The following NKAIN2 variants were observed in gnomAD, a reference collection of about 807,000 sequenced individuals.
NKAIN2 encodes the protein sodium/potassium transporting ATPase interacting 2.
Under a neutral mutation model 32.6 loss-of-function variants are expected in NKAIN2, and 14 were observed. The ratio of observed to expected loss-of-function variants is 0.43; its 90% CI spans 0.28 to 0.67. The LOEUF is 0.67. NKAIN2 is among the 30% of genes least tolerant of loss of function. The pLI is 0.17. For synonymous variants in NKAIN2, 80 were observed against 87.2 expected, an observed-to-expected ratio of 0.92 and a Z score of 0.46; for missense variants, 198 against 258.3, an observed-to-expected ratio of 0.77 and a Z score of 1.60.
intron 4 of NKAIN2, among the ~76,000 whole-genome samples, chr6:124,779,995 GT>G (rs1399695147): frequency 6.6e-6 from 1 of 152,224 alleles, no homozygotes; most frequent in African/African-American, 2.4e-5. Flanking sequence ...TAGAACGCCA[GT>G]TGAAAATAAA....
intron 1 of NKAIN2, among the ~76,000 whole-genome samples, chr6:123,917,154 CT>C (rs1449536681): frequency 1.3e-5 from 2 of 152,090 alleles, no homozygotes; most frequent in Non-Finnish European, 2.9e-5. Context: ...TGAAGACAGA[CT>C]TTGCAACTTT....
intron 4 of NKAIN2, among the ~76,000 whole-genome samples, chr6:124,734,683 A>G (rs964111238): frequency 6.6e-6 from 1 of 151,838 alleles, no homozygotes; most frequent in African/African-American, 2.4e-5. Context: ...ATGTTAAGCA[A>G]ATTAGTAACA....
chr6:123,865,404 C>G (rs1375857755), intron 1 of NKAIN2, among the ~76,000 whole-genome samples: 1 of 152,000 alleles, frequency 6.6e-6, no homozygotes, highest in Non-Finnish European at 1.5e-5. Flanking sequence ...TCTAAAATGG[C>G]ATCTATTCCA....
intron 3 of NKAIN2, among the ~76,000 whole-genome samples, chr6:124,436,583 T>C (rs1233570439): frequency 6.6e-6 from 1 of 152,094 alleles, no homozygotes; most frequent in Non-Finnish European, 1.5e-5. Flanking sequence ...TTTAGTGAAA[T>C]TGAAATTTCT....
At chr6:123,808,604 T>A (rs993725876) in intron 1 of NKAIN2, among the ~76,000 whole-genome samples, 1 of 152,194 alleles carries the variant, frequency 6.6e-6, no homozygotes, top group African/African-American at 2.4e-5. Context: ...AGCGACTTAT[T>A]TTCTTGAATA....
chr6:124,083,884 C>A (rs1353523886), intron 1 of NKAIN2, among the ~76,000 whole-genome samples: 1 of 151,810 alleles, frequency 6.6e-6, no homozygotes, highest in Non-Finnish European at 1.5e-5. Context: ...TTGCAAATTC[C>A]AGCATGGATA....
At chr6:124,813,865 C>A (rs926027132) in intron 5 of NKAIN2, among the ~76,000 whole-genome samples, 1 of 152,148 alleles carries the variant, frequency 6.6e-6, no homozygotes, top group African/African-American at 2.4e-5. Flanking sequence ...ACGACCCAAA[C>A]ATCTAGCTGC....
chr6:124,186,997 C>T (rs1188394109), intron 1 of NKAIN2, among the ~76,000 whole-genome samples: 1 of 151,982 alleles, frequency 6.6e-6, no homozygotes, highest in East Asian at 1.9e-4. Flanking sequence ...TTAAACTGAA[C>T]TCTATATTTG....
intron 1 of NKAIN2, among the ~76,000 whole-genome samples, chr6:124,028,901 A>G (rs1419359794): frequency 1.1e-4 from 9 of 82,104 alleles, no homozygotes; most frequent in Non-Finnish European, 1.6e-4. Context: ...ATATATATAT[A>G]TACACATATA....
rs1474534710 is a variant in NKAIN2, at chr6:123,915,062, TA to T, written c.54+110812del. Among the ~76,000 whole-genome samples the T allele has an allele frequency of 1.6e-4, 24 of 152,294 alleles. No homozygotes were observed. The East Asian group carries it at 4.3e-3, about 27-fold the overall frequency. ...AATAATTTGTATGTGTTCTAAGGTTTAAAATTCACAGCTTCTCGAAGAGGTG... is the reference window on the plus strand; with the variant it reads ...AATAATTTGTATGTGTTCTAAGGTTTAAATTCACAGCTTCTCGAAGAGGTG... On this transcript the variant is annotated intron_variant, in intron 1 of 6. Transcript: ENST00000368417.
At chr6:123,832,604 G>C (rs1202810186) in intron 1 of NKAIN2, among the ~76,000 whole-genome samples, 2 of 152,148 alleles carry the variant, frequency 1.3e-5, no homozygotes, top group Non-Finnish European at 2.9e-5. Flanking sequence ...ATGAATGAGA[G>C]TTCTTACTGC....
intron 1 of NKAIN2, among the ~76,000 whole-genome samples, chr6:124,099,224 C>T (rs1784776346): frequency 6.6e-6 from 1 of 152,002 alleles, no homozygotes; most frequent in Admixed American, 6.5e-5. Context: ...ATGGCATGCC[C>T]TTTAGAGATG....
At chr6:124,206,327 A>G (rs1043488586) in intron 1 of NKAIN2, among the ~76,000 whole-genome samples, 4 of 151,930 alleles carry the variant, frequency 2.6e-5, no homozygotes, top group African/African-American at 9.7e-5. Flanking sequence ...ATATAGCAAA[A>G]TAAAGATTAA....
chr6:123,804,278 A>T, intron 1 of NKAIN2, 24 bp downstream of exon 1: 2 of 1,598,878 alleles, frequency 1.3e-6, no homozygotes, highest in Non-Finnish European at 1.7e-6. Context: ...GGGTCCCCTT[A>T]TTCTGTAATG....
At chr6:124,021,326 G>A (rs531155605) in intron 1 of NKAIN2, among the ~76,000 whole-genome samples, 2 of 151,956 alleles carry the variant, frequency 1.3e-5, no homozygotes, top group Non-Finnish European at 2.9e-5. Context: ...TCTTTTGAAA[G>A]GTGGTTACAA....
At chr6:124,553,258 A>T (rs559344026) in intron 3 of NKAIN2, among the ~76,000 whole-genome samples, 1 of 152,224 alleles carries the variant, frequency 6.6e-6, no homozygotes, top group Non-Finnish European at 1.5e-5. Context: ...GGACAGAACT[A>T]GCATTTATTA....
chr6:124,023,675 T>A (rs1256114827), intron 1 of NKAIN2, among the ~76,000 whole-genome samples: 1 of 152,214 alleles, frequency 6.6e-6, no homozygotes, highest in Non-Finnish European at 1.5e-5. Flanking sequence ...CAGGACAGAT[T>A]AACTTTACAT....
rs796861165 is a variant in NKAIN2 at position 123,874,189 on chromosome 6, A to G, written c.54+69935A>G. Reference sequence around the variant, plus strand: ...CACCATGGAGAGCACTTAGCTGTGCATCCTGCCGGACTTCTAGGAAGGAGA... The same window carrying G: ...CACCATGGAGAGCACTTAGCTGTGCGTCCTGCCGGACTTCTAGGAAGGAGA... On this transcript the variant is annotated intron_variant, in intron 1 of 6. Coordinates refer to ENST00000368417, the MANE Select transcript of NKAIN2 (RefSeq NM_001040214.3). 7.9e-5 allele frequency among the ~76,000 whole-genome samples: 12 copies of G among 152,252 alleles called. 1 individual carries two copies. The highest frequency in any genetic ancestry group is 2.9e-4 in the African/African-American group (12 of 41,552).
chr6:124,397,345 A>G (rs970050735), intron 3 of NKAIN2, among the ~76,000 whole-genome samples: 106 of 152,222 alleles, frequency 7.0e-4, no homozygotes, highest in African/African-American at 2.3e-3. Context: ...GTAGAATTCA[A>G]TTCAAACATA....
Sources: gnomAD v4.1 joint callset for allele counts (sites outside exome capture counted in the v4.1 genomes callset) on GRCh38, gnomAD v4.1.1 for gene constraint, MANE v1.5 for transcripts, NCBI Gene and HGNC (gene_info 2026-07-23, HGNC 2026-07-21) for gene names.